The following KIFAP3 variants were observed in gnomAD, a reference collection of about 807,000 sequenced individuals.
KIFAP3 encodes kinesin-associated protein 3.
A neutral mutation model predicts 106.5 loss-of-function variants in KIFAP3; 68 were observed. That is an observed-to-expected ratio of 0.64 (90% CI 0.53 to 0.78). The LOEUF (loss-of-function observed/expected upper bound fraction) is 0.78, where lower values mean the gene tolerates loss of function less well. Among genes scored for constraint, KIFAP3 ranks in the 30% least tolerant of loss-of-function variants. The pLI is 0.00. For missense variants in KIFAP3, 780 were observed against 941.8 expected (o/e 0.83, Z 2.25); for synonymous variants, 320 against 311.5 (o/e 1.03, Z -0.29).
chr1:170,050,526 C>A (rs1234178988), intron 2 of KIFAP3, among the ~76,000 whole-genome samples: 1 of 152,040 alleles, frequency 6.6e-6, no homozygotes, highest in Non-Finnish European at 1.5e-5. Flanking sequence ...AGATAAATCC[C>A]AAGACACATA....
intron 8 of KIFAP3, among the ~76,000 whole-genome samples, chr1:170,028,680 A>C (rs1669244534): frequency 6.6e-6 from 1 of 152,208 alleles, no homozygotes; most frequent in African/African-American, 2.4e-5. Context: ...AATAAATGTT[A>C]GTAATAGCAT....
intron 18 of KIFAP3, among the ~76,000 whole-genome samples, chr1:169,956,745 G>A (rs1293429270): frequency 6.6e-6 from 1 of 151,790 alleles, no homozygotes; most frequent in East Asian, 1.9e-4. Context: ...GGGACTACAG[G>A]GATGTGTACC....
intron 4 of KIFAP3, 71 bp downstream of exon 4, chr1:170,039,162 G>A (rs933038460): frequency 7.4e-6 from 6 of 812,832 alleles, no homozygotes; most frequent in Admixed American, 4.5e-5. Context: ...GTGATTGTGT[G>A]TATTATTGAT....
chr1:170,081,002 T>A (rs1672011017), intron 1 of KIFAP3, among the ~76,000 whole-genome samples: 1 of 152,176 alleles, frequency 6.6e-6, no homozygotes, highest in African/African-American at 2.4e-5. Context: ...ACTATATCAG[T>A]GTTATCATTT....
At chr1:169,987,417 A>G (rs1334541228) in intron 11 of KIFAP3, among the ~76,000 whole-genome samples, 1 of 151,994 alleles carries the variant, frequency 6.6e-6, no homozygotes, top group Middle Eastern at 3.2e-3. Flanking sequence ...ACCACTGACC[A>G]GAGGCCAACC....
chr1:170,016,256 T>C (rs1316958859), intron 10 of KIFAP3, among the ~76,000 whole-genome samples: 1 of 152,222 alleles, frequency 6.6e-6, no homozygotes, highest in South Asian at 2.1e-4. Context: ...GGGTTAAAAG[T>C]TGCTATTTTA....
intron 17 of KIFAP3, among the ~76,000 whole-genome samples, chr1:169,962,312 G>T (rs1665381579): frequency 6.6e-6 from 1 of 152,146 alleles, no homozygotes; most frequent in Non-Finnish European, 1.5e-5. Flanking sequence ...TTGGTGAATG[G>T]TTTTGAAGGA....
chr1:170,044,066 T>C (rs1422067850), intron 3 of KIFAP3, among the ~76,000 whole-genome samples: 1 of 152,106 alleles, frequency 6.6e-6, no homozygotes, highest in Non-Finnish European at 1.5e-5. Context: ...CCAAATCCCT[T>C]TTCACAGGAG....
In KIFAP3 at chr1:169,978,068, A is replaced by T; in HGVS notation, c.1897+17T>A. 6.7e-7 allele frequency: 1 copy of T among 1,503,460 alleles called. No homozygotes were observed. The highest frequency in any genetic ancestry group is 9.2e-7 in the Non-Finnish European group (1 of 1,082,820). 93.1% of individuals were successfully genotyped at this position (1,503,460 alleles called of 1,614,324 possible). ...TATGTGAAATATTGTTATCTACGGT[A>T]AACACTGAAAGGATACGTGTTTCCT... On this transcript the variant is annotated intron_variant, in intron 16 of 19. Transcript: ENST00000361580.
At chr1:169,955,182 T>C (rs149676741) in intron 18 of KIFAP3, among the ~76,000 whole-genome samples, 320 of 152,284 alleles carry the variant, frequency 2.1e-3, no homozygotes, top group African/African-American at 7.3e-3. Flanking sequence ...ACCTACCACA[T>C]TGTTTATACA....
chr1:170,003,807 G>A lies in KIFAP3; in HGVS notation c.1184-11552C>T, dbSNP rs146802467. Among the ~76,000 whole-genome samples, 1,143 of 152,266 alleles carry A rather than the reference G, an allele frequency of 7.5e-3. 12 individuals carry two copies. The highest frequency in any genetic ancestry group is 0.026 in the African/African-American group (1,081 of 41,532). On this transcript the variant is annotated intron_variant, in intron 10 of 19. Coordinates refer to ENST00000361580, the MANE Select transcript of KIFAP3 (RefSeq NM_014970.4). ...CCCTTTGAAAACTGGCACAAGACAGGGATGCCCTCTCTTACCACTCCAATT... is the reference window on the plus strand; with the variant it reads ...CCCTTTGAAAACTGGCACAAGACAGAGATGCCCTCTCTTACCACTCCAATT...
chr1:170,024,637 C>A (rs1669019220), intron 8 of KIFAP3, 41 bp from the exon 9 acceptor site: 1 of 1,167,062 alleles, frequency 8.6e-7, no homozygotes, highest in Non-Finnish European at 1.2e-6. Context: ...AATTAGTATA[C>A]TGAATTAATA....
chr1:169,943,528 G>A (rs78569860), intron 19 of KIFAP3, among the ~76,000 whole-genome samples: 1 of 151,902 alleles, frequency 6.6e-6, no homozygotes, highest in East Asian at 1.9e-4. Flanking sequence ...TTTTAAGGGG[G>A]AATAGTGATG....
intron 10 of KIFAP3, among the ~76,000 whole-genome samples, chr1:170,004,585 T>C (rs957391871): frequency 5.9e-5 from 9 of 152,056 alleles, no homozygotes; most frequent in Non-Finnish European, 1.3e-4. Flanking sequence ...TTGACAAACC[T>C]GAGAAAAACA....
At chr1:170,077,219 G>T (rs1671935929), upstream of KIFAP3, among the ~76,000 whole-genome samples, 1 of 152,204 alleles carries the variant, frequency 6.6e-6, no homozygotes, top group Non-Finnish European at 1.5e-5. Flanking sequence ...GCAGGATGTG[G>T]GCGGGGCCAA....
rs756510123 is a variant in KIFAP3 at position 169,982,889 on chromosome 1, T to C, written c.1507-22A>G. 14 of 1,225,848 alleles carry C rather than the reference T, an allele frequency of 1.1e-5. No individual in the cohort carries two copies. In the Admixed American group the frequency reaches 1.4e-4, roughly 12 times the overall value. 75.9% of individuals were successfully genotyped at this position (1,225,848 alleles called of 1,614,324 possible). A position where few individuals can be genotyped will look rare whatever the true frequency, so the allele number is the denominator to read the frequency against. On this transcript the variant is annotated intron_variant, in intron 13 of 19. Transcript: ENST00000361580. ...AATCCTGAATAAAACATAATTTTAA[T>C]ATAAATTTAAATTATTTTTTATTTA...
chr1:169,954,242 T>C, intron 18 of KIFAP3, 132 bp from the exon 19 acceptor site: 1 of 620,286 alleles, frequency 1.6e-6, no homozygotes, highest in East Asian at 2.8e-5. Flanking sequence ...TGCTGTTCTC[T>C]CTGGGAGTAT....
At chr1:170,011,511 T>G (rs921696891) in intron 10 of KIFAP3, among the ~76,000 whole-genome samples, 1 of 151,830 alleles carries the variant, frequency 6.6e-6, no homozygotes, top group Non-Finnish European at 1.5e-5. Context: ...ATATAATATG[T>G]AATATATAGA....
Position 170,035,481 on chromosome 1 carries a change from A to G in KIFAP3, c.590T>C (p.Ile197Thr), listed in dbSNP as rs932367015. 3.1e-6 allele frequency: 5 copies of G among 1,608,490 alleles called. No homozygotes were observed. Among genetic ancestry groups the G allele is most frequent in the Non-Finnish European group, 4.2e-6 (5 of 1,176,946 alleles). ...WKQSVELATN[I>T]IYIFFCFSSF... ...GGAGAAACAAAAAAAGATGTAAATT[A>G]TGTTTGTAGCTAACTCGACACTTTG... Residue 197 changes from isoleucine to threonine, a missense_variant, in exon 6 of 20, where the codon ATA (isoleucine) becomes ACA (threonine). Coordinates refer to ENST00000361580, the MANE Select transcript of KIFAP3 (RefSeq NM_014970.4).
Sources: allele counts gnomAD v4.1 joint callset (sites outside exome capture counted in the v4.1 genomes callset), GRCh38; gene constraint gnomAD v4.1.1; transcripts MANE v1.5; gene names NCBI Gene and HGNC (gene_info 2026-07-23, HGNC 2026-07-21).